MACROD2: variants seen among roughly 807,000 people sequenced by gnomAD.
The protein encoded by MACROD2 is ADP-ribose glycohydrolase MACROD2.
In MACROD2, 36 loss-of-function variants were observed where a neutral mutation model predicts 70.4. The ratio of observed to expected loss-of-function variants is 0.51; its 90% CI spans 0.39 to 0.68. The LOEUF (loss-of-function observed/expected upper bound fraction) is 0.68. Ranked by LOEUF, MACROD2 falls within the 30% of genes least tolerant of loss-of-function variation. The pLI is 0.00. For missense variants in MACROD2, 496 were observed against 538.4 expected (o/e 0.92, Z 0.78); for synonymous variants, 172 against 178.8 (o/e 0.96, Z 0.30).
chr20:15,761,624 A>G (rs2051437654), intron 8 of MACROD2, among the ~76,000 whole-genome samples: 1 of 152,212 alleles, frequency 6.6e-6, no homozygotes, highest in African/African-American at 2.4e-5. Context: ...ATGTCACTGA[A>G]CATGAAACTA....
chr20:14,356,799 C>G (rs767470799), intron 3 of MACROD2, among the ~76,000 whole-genome samples: 1 of 152,112 alleles, frequency 6.6e-6, no homozygotes. Context: ...GCCACCGTGC[C>G]TGGCCTGGAG....
intron 8 of MACROD2, among the ~76,000 whole-genome samples, chr20:15,811,573 T>TTAAACAAATTATCTTTTACTTTAA (rs1243827155): frequency 7.9e-5 from 12 of 152,220 alleles, no homozygotes; most frequent in African/African-American, 2.7e-4. Context: ...TTTACCTAGT[T>TTAAACAAATTATCTTTTACTTTAA]ATTTGTTGTC....
At chr20:15,619,264 CT>C (rs1273350040) in intron 8 of MACROD2, among the ~76,000 whole-genome samples, 1 of 152,190 alleles carries the variant, frequency 6.6e-6, no homozygotes, top group East Asian at 1.9e-4. Flanking sequence ...GAAAGGGCTG[CT>C]ATCGTCTTTG....
intron 15 of MACROD2, among the ~76,000 whole-genome samples, chr20:16,022,676 A>C (rs1000903691): frequency 6.6e-6 from 1 of 152,214 alleles, no homozygotes; most frequent in Admixed American, 6.5e-5. Context: ...AAAAATTCAG[A>C]TGGACCAGTG....
chr20:15,447,907 G>A (rs903305982), intron 7 of MACROD2, among the ~76,000 whole-genome samples: 9 of 152,194 alleles, frequency 5.9e-5, no homozygotes, highest in African/African-American at 1.9e-4. Context: ...AATACAGACT[G>A]GTTCAGGCCT....
At chr20:15,673,989 T>C (rs770602890) in intron 8 of MACROD2, among the ~76,000 whole-genome samples, 44 of 152,126 alleles carry the variant, frequency 2.9e-4, no homozygotes, top group Non-Finnish European at 5.6e-4. Context: ...TATTGAAATG[T>C]AAAGGAGTGT....
Position 14,768,918 on chromosome 20 carries a change from A to G in MACROD2, c.418+83959A>G, listed in dbSNP as rs187356923. Among the ~76,000 whole-genome samples, 422 of 152,248 alleles carry G rather than the reference A, an allele frequency of 2.8e-3. 4 individuals carry two copies. The highest frequency in any genetic ancestry group is 8.6e-3 in the Admixed American group (132 of 15,290). On this transcript the variant is annotated intron_variant, in intron 5 of 17. Coordinates refer to ENST00000684519, the MANE Select transcript of MACROD2 (RefSeq NM_001351661.2). ...GCACCTTGAATTTATTTCTCAATAA[A>G]GAAGAAGTAAGGAGGTTTTGAAACT...
chr20:14,926,777 G>A (rs1281012071), intron 5 of MACROD2, among the ~76,000 whole-genome samples: 1 of 152,120 alleles, frequency 6.6e-6, no homozygotes, highest in Non-Finnish European at 1.5e-5. Flanking sequence ...GCTCTAGCTT[G>A]CTATATCTTG....
At chr20:15,299,406 G>T (rs1479832714) in intron 6 of MACROD2, among the ~76,000 whole-genome samples, 1 of 152,144 alleles carries the variant, frequency 6.6e-6, no homozygotes, top group African/African-American at 2.4e-5. Context: ...AATAAACAAA[G>T]CATGAACAGA....
intron 15 of MACROD2, among the ~76,000 whole-genome samples, chr20:16,036,677 G>A (rs2067240950): frequency 6.6e-6 from 1 of 151,960 alleles, no homozygotes; most frequent in Admixed American, 6.6e-5. Flanking sequence ...ATTCATTTCT[G>A]TAGGGCATCC....
At chr20:14,349,358 CAG>C (rs1568571865) in intron 3 of MACROD2, among the ~76,000 whole-genome samples, 3 of 150,490 alleles carry the variant, frequency 2.0e-5, no homozygotes, top group East Asian at 3.9e-4. Context: ...TCATGGAAAA[CAG>C]GGTACCCATC....
At chr20:16,017,314 C>T (rs1017996591) in intron 15 of MACROD2, among the ~76,000 whole-genome samples, 7 of 151,374 alleles carry the variant, frequency 4.6e-5, no homozygotes, top group Non-Finnish European at 8.8e-5. Flanking sequence ...AGGATATTTT[C>T]TGCTTTGTGG....
intron 10 of MACROD2, among the ~76,000 whole-genome samples, chr20:15,909,352 C>T (rs913206859): frequency 1.3e-5 from 2 of 151,872 alleles, no homozygotes; most frequent in African/African-American, 4.8e-5. Flanking sequence ...TTAACAAGTC[C>T]CCAGGATTAA....
chr20:15,018,700 C>T (rs1256555917), intron 5 of MACROD2, among the ~76,000 whole-genome samples: 2 of 152,240 alleles, frequency 1.3e-5, no homozygotes, highest in East Asian at 3.9e-4. Flanking sequence ...GTTTTTCTGC[C>T]TGCTTTATAT....
chr20:15,350,425 C>T (rs113667061), intron 6 of MACROD2, among the ~76,000 whole-genome samples: 20 of 152,116 alleles, frequency 1.3e-4, no homozygotes, highest in African/African-American at 4.1e-4. Flanking sequence ...TTAGTTCTCA[C>T]CTGAGTGTAG....
chr20:15,644,598 T>A (rs1331155297), intron 8 of MACROD2, among the ~76,000 whole-genome samples: 2 of 152,210 alleles, frequency 1.3e-5, no homozygotes, highest in African/African-American at 4.8e-5. Flanking sequence ...TAAGAATTAG[T>A]TTATACAGTT....
intron 8 of MACROD2, among the ~76,000 whole-genome samples, chr20:15,649,072 C>A (rs1475823573): frequency 1.4e-5 from 1 of 73,742 alleles, no homozygotes; most frequent in South Asian, 1.0e-3. Flanking sequence ...TTTCTCCTCC[C>A]CTCCCCTTCC....
intron 3 of MACROD2, among the ~76,000 whole-genome samples, chr20:14,426,383 C>A (rs918315775): frequency 1.4e-4 from 21 of 151,670 alleles, no homozygotes; most frequent in African/African-American, 4.8e-4. Flanking sequence ...TGGTTCTCTT[C>A]TCTTATCTCT....
At chr20:14,332,955 A>C (rs1410845662) in intron 3 of MACROD2, among the ~76,000 whole-genome samples, 1 of 152,102 alleles carries the variant, frequency 6.6e-6, no homozygotes, top group Non-Finnish European at 1.5e-5. Context: ...TAAACTGAAA[A>C]ACTGGAGTAC....
Sources: allele counts gnomAD v4.1 joint callset (sites outside exome capture counted in the v4.1 genomes callset), GRCh38; gene constraint gnomAD v4.1.1; transcripts MANE v1.5; gene names NCBI Gene and HGNC (gene_info 2026-07-23, HGNC 2026-07-21).